Variants in CNTNAP2 observed in about 807,000 individuals in gnomAD.
CNTNAP2 encodes the protein contactin associated protein 2.
A neutral mutation model predicts 155.2 loss-of-function variants in CNTNAP2; 98 were observed. The ratio of observed to expected loss-of-function variants is 0.63; its 90% CI spans 0.54 to 0.75. CNTNAP2 has a LOEUF of 0.75. Ranked by LOEUF, CNTNAP2 falls within the 30% of genes least tolerant of loss-of-function variation. CNTNAP2 has a pLI of 0.00. For missense variants in CNTNAP2, 1,727 were observed against 1,688.1 expected (o/e 1.02, Z -0.40); for synonymous variants, 651 against 631.2 (o/e 1.03, Z -0.47).
chr7:146,167,161 A>G (rs1183708295), intron 1 of CNTNAP2, among the ~76,000 whole-genome samples: 1 of 152,224 alleles, frequency 6.6e-6, no homozygotes, highest in Non-Finnish European at 1.5e-5. Context: ...TCTTTCTTCA[A>G]CAGACCCTGT....
chr7:147,133,003 C>T (rs575894593), intron 8 of CNTNAP2, among the ~76,000 whole-genome samples: 7 of 151,850 alleles, frequency 4.6e-5, no homozygotes, highest in African/African-American at 1.5e-4. Flanking sequence ...GAAAAGAAAA[C>T]GAAAGTGAAT....
intron 3 of CNTNAP2, among the ~76,000 whole-genome samples, chr7:146,868,167 T>C (rs1197457113): frequency 2.0e-5 from 3 of 152,166 alleles, no homozygotes; most frequent in Admixed American, 1.3e-4. Context: ...TACATTTAAG[T>C]CTTTAATCCA....
At chr7:148,352,554 C>T (rs889777393) in intron 21 of CNTNAP2, among the ~76,000 whole-genome samples, 4 of 152,122 alleles carry the variant, frequency 2.6e-5, no homozygotes, top group Non-Finnish European at 5.9e-5. Context: ...TTGTGGGGAC[C>T]CTTAACTTAG....
chr7:147,137,221 A>C (rs1229117822), intron 8 of CNTNAP2, among the ~76,000 whole-genome samples: 1 of 151,294 alleles, frequency 6.6e-6, no homozygotes, highest in Non-Finnish European at 1.5e-5. Flanking sequence ...TGTCATTATA[A>C]ATCACATTTC....
At chr7:148,125,689 G>GTA (rs200514458) in intron 16 of CNTNAP2, among the ~76,000 whole-genome samples, 29 of 118,524 alleles carry the variant, frequency 2.4e-4, no homozygotes, top group Non-Finnish European at 3.6e-4. Context: ...GTGTGTGTGT[G>GTA]TATATATATA....
chr7:146,472,656 C>T (rs1796817360), intron 1 of CNTNAP2, among the ~76,000 whole-genome samples: 2 of 152,090 alleles, frequency 1.3e-5, no homozygotes, highest in Non-Finnish European at 2.9e-5. Context: ...TATAGATTCT[C>T]TACAAGCAAA....
intron 8 of CNTNAP2, among the ~76,000 whole-genome samples, chr7:147,276,229 T>A (rs1326070651): frequency 1.3e-5 from 2 of 151,952 alleles, no homozygotes; most frequent in Non-Finnish European, 2.9e-5. Context: ...CCTTAATTTT[T>A]TTTTTTTGGA....
At chr7:147,794,829 T>A (rs1209071952) in intron 13 of CNTNAP2, among the ~76,000 whole-genome samples, 5 of 151,820 alleles carry the variant, frequency 3.3e-5, no homozygotes, top group Non-Finnish European at 4.4e-5. Context: ...TAGTTTGTAT[T>A]TTTTTAGGAA....
chr7:146,117,074 C>G (rs1797494983), intron 1 of CNTNAP2, 101 bp downstream of exon 1: 3 of 993,270 alleles, frequency 3.0e-6, no homozygotes, highest in Admixed American at 4.0e-5. Flanking sequence ...GTGCTGGCAC[C>G]CTGATGTGTT....
intron 11 of CNTNAP2, among the ~76,000 whole-genome samples, chr7:147,544,014 G>A (rs1027817990): frequency 1.3e-5 from 2 of 152,086 alleles, no homozygotes; most frequent in African/African-American, 2.4e-5. Flanking sequence ...TATTCTTCAT[G>A]TCATGGAATA....
chr7:147,002,806 ATCATGAGGG>A (rs1335941033), intron 3 of CNTNAP2, among the ~76,000 whole-genome samples: 1 of 151,728 alleles, frequency 6.6e-6, no homozygotes, highest in Non-Finnish European at 1.5e-5. Flanking sequence ...GCTAATCCTA[ATCATGAGGG>A]CACTTACCTT....
At chr7:147,061,949 A>C (rs1004685213) in intron 4 of CNTNAP2, among the ~76,000 whole-genome samples, 1 of 151,908 alleles carries the variant, frequency 6.6e-6, no homozygotes, top group African/African-American at 2.4e-5. Context: ...TCACACGGTG[A>C]AACCCCATCT....
intron 21 of CNTNAP2, among the ~76,000 whole-genome samples, chr7:148,322,345 A>T (rs1354781648): frequency 6.6e-6 from 1 of 152,220 alleles, no homozygotes; most frequent in Non-Finnish European, 1.5e-5. Context: ...ACACTCTCGT[A>T]CACTCTGAGG....
intron 13 of CNTNAP2, among the ~76,000 whole-genome samples, chr7:147,719,032 G>T (rs904994019): frequency 1.3e-5 from 2 of 152,100 alleles, no homozygotes; most frequent in African/African-American, 4.8e-5. Flanking sequence ...GGAATAATGG[G>T]CATAAAGAGA....
chr7:146,824,838 A>C (rs1053178034), intron 2 of CNTNAP2, among the ~76,000 whole-genome samples: 6 of 147,344 alleles, frequency 4.1e-5, no homozygotes, highest in Non-Finnish European at 7.4e-5. Flanking sequence ...GTCCTTATTA[A>C]GGTGTACAAA....
chr7:147,358,592 G>A (rs1173625992), intron 9 of CNTNAP2, among the ~76,000 whole-genome samples: 8 of 151,730 alleles, frequency 5.3e-5, no homozygotes, highest in Non-Finnish European at 1.0e-4. Context: ...CTAATGTAAA[G>A]GGTAGATGAT....
chr7:146,643,916 T>A (rs1799760957), intron 1 of CNTNAP2, among the ~76,000 whole-genome samples: 1 of 152,008 alleles, frequency 6.6e-6, no homozygotes, highest in Non-Finnish European at 1.5e-5. Context: ...TTATTCTCTT[T>A]GAAGCAATTG....
chr7:147,409,224 C>T (rs1420311179), intron 10 of CNTNAP2, among the ~76,000 whole-genome samples: 1 of 152,016 alleles, frequency 6.6e-6, no homozygotes, highest in Non-Finnish European at 1.5e-5. Context: ...AAAATAGAGG[C>T]AGAATTGAGA....
chr7:147,804,560 T>A (rs1241109394), intron 13 of CNTNAP2, among the ~76,000 whole-genome samples: 1 of 151,904 alleles, frequency 6.6e-6, no homozygotes, highest in Non-Finnish European at 1.5e-5. Flanking sequence ...TTTTGTTTGT[T>A]TGTTTTATTT....
Sources: gnomAD v4.1 joint callset for allele counts (sites outside exome capture counted in the v4.1 genomes callset) on GRCh38, gnomAD v4.1.1 for gene constraint, MANE v1.5 for transcripts, NCBI Gene and HGNC (gene_info 2026-07-23, HGNC 2026-07-21) for gene names.